Variants in NRXN3 observed in about 807,000 individuals in gnomAD.
The protein encoded by NRXN3 is neurexin III.
In NRXN3, 32 loss-of-function variants were observed where a neutral mutation model predicts 137.6. The ratio of observed to expected loss-of-function variants is 0.23; its 90% confidence interval spans 0.18 to 0.31. NRXN3 has a LOEUF of 0.31. NRXN3 is among the 10% of genes least tolerant of loss of function. The pLI is 1.00. For missense variants in NRXN3, 1,574 were observed against 2,062.5 expected (o/e 0.76, Z 4.59); for synonymous variants, 798 against 784.5 (o/e 1.02, Z -0.29).
intron 1 of NRXN3, among the ~76,000 whole-genome samples, chr14:78,196,207 G>A (rs1318112879): frequency 3.3e-5 from 5 of 152,196 alleles, no homozygotes; most frequent in Admixed American, 6.5e-5. Flanking sequence ...CATGTCTGGC[G>A]GTCATGAGGG....
At chr14:79,175,372 T>C (rs563714863) in intron 15 of NRXN3, among the ~76,000 whole-genome samples, 1 of 152,164 alleles carries the variant, frequency 6.6e-6, no homozygotes, top group South Asian at 2.1e-4. Context: ...GAACAGAAGA[T>C]TGAGAATTTT....
At chr14:79,438,949 A>T (rs186857100) in intron 15 of NRXN3, among the ~76,000 whole-genome samples, 1 of 152,386 alleles carries the variant, frequency 6.6e-6, no homozygotes, top group East Asian at 1.9e-4. Context: ...TGTTGCACAC[A>T]GTTTCTACCC....
intron 4 of NRXN3, among the ~76,000 whole-genome samples, chr14:78,303,871 C>T (rs936402217): frequency 2.0e-5 from 3 of 152,132 alleles, no homozygotes; most frequent in Admixed American, 6.5e-5. Flanking sequence ...ATCCACTCCC[C>T]AACACCTGTC....
intron 17 of NRXN3, among the ~76,000 whole-genome samples, chr14:79,689,548 T>A (rs1567898802): frequency 6.6e-6 from 1 of 152,116 alleles, no homozygotes; most frequent in Admixed American, 6.6e-5. Context: ...AAGATTGCTA[T>A]CCTTAGTGCC....
Position 78,484,117 on chromosome 14 carries a change from A to G in NRXN3, c.758-161003A>G, listed in dbSNP as rs1199724938. On this transcript the variant is annotated intron_variant, in intron 4 of 20. Transcript: ENST00000335750. ...ATTCAAGAGGCAGAATTATTAATAC[A>G]GGTAGACTGCCAGGAATGCAGAATG... is the stretch of plus-strand genomic sequence containing the variant. Among the ~76,000 whole-genome samples, 3 of 152,116 alleles carry G rather than the reference A, an allele frequency of 2.0e-5. No individual in the cohort carries two copies. The East Asian group carries it at 5.8e-4, about 29-fold the overall frequency.
chr14:79,806,703 G>T (rs2099206754), intron 20 of NRXN3, among the ~76,000 whole-genome samples: 4 of 149,254 alleles, frequency 2.7e-5, no homozygotes, highest in Non-Finnish European at 3.0e-5. Flanking sequence ...CTCTAGATTT[G>T]AGTCCTTCCT....
intron 16 of NRXN3, among the ~76,000 whole-genome samples, chr14:79,598,393 C>T (rs2097884563): frequency 6.6e-6 from 1 of 152,140 alleles, no homozygotes; most frequent in Non-Finnish European, 1.5e-5. Flanking sequence ...CAGAAGATAA[C>T]CTGTTTTGTG....
intron 4 of NRXN3, among the ~76,000 whole-genome samples, chr14:78,556,216 T>G (rs1335062801): frequency 6.6e-6 from 1 of 151,930 alleles, no homozygotes; most frequent in Non-Finnish European, 1.5e-5. Context: ...CCTACTCCAG[T>G]CTTCATGACA....
chr14:79,284,343 C>CATACATATATAT (rs1177586135), intron 15 of NRXN3, among the ~76,000 whole-genome samples: 10 of 65,098 alleles, frequency 1.5e-4, no homozygotes, highest in African/African-American at 5.2e-4. Context: ...ACTAAAAATA[C>CATACATATATAT]ATATATATAT....
chr14:78,232,536 A>T (rs2065577585), intron 1 of NRXN3, among the ~76,000 whole-genome samples: 1 of 152,120 alleles, frequency 6.6e-6, no homozygotes, highest in Non-Finnish European at 1.5e-5. Flanking sequence ...CGAAAGCTGG[A>T]TAAGATTGTC....
At chr14:78,935,786 A>G (rs2099336255) in intron 10 of NRXN3, among the ~76,000 whole-genome samples, 1 of 152,080 alleles carries the variant, frequency 6.6e-6, no homozygotes, top group African/African-American at 2.4e-5. Flanking sequence ...TCTTTGTTTC[A>G]TCTAAATTAA....
intron 15 of NRXN3, among the ~76,000 whole-genome samples, chr14:79,115,036 G>C (rs962942509): frequency 6.6e-6 from 1 of 151,902 alleles, no homozygotes; most frequent in African/African-American, 2.4e-5. Flanking sequence ...TTTAAGATGC[G>C]CAAACTAGGC....
chr14:78,285,583 C>T (rs1352307145), intron 3 of NRXN3, among the ~76,000 whole-genome samples: 2 of 152,170 alleles, frequency 1.3e-5, no homozygotes, highest in Non-Finnish European at 2.9e-5. Flanking sequence ...GTGTACACTT[C>T]ACAAAGGTAC....
intron 4 of NRXN3, among the ~76,000 whole-genome samples, chr14:78,319,252 T>G (rs1222664873): frequency 6.6e-6 from 1 of 152,216 alleles, no homozygotes; most frequent in African/African-American, 2.4e-5. Context: ...AACTCAAGCC[T>G]TCTCATCCCC....
intron 16 of NRXN3, among the ~76,000 whole-genome samples, chr14:79,493,494 G>T (rs1385241070): frequency 6.6e-6 from 1 of 152,222 alleles, no homozygotes; most frequent in Non-Finnish European, 1.5e-5. Context: ...TTGAACAAAT[G>T]AGGTATGCCT....
chr14:79,143,356 C>A (rs917635794), intron 15 of NRXN3, among the ~76,000 whole-genome samples: 1 of 152,212 alleles, frequency 6.6e-6, no homozygotes, highest in Non-Finnish European at 1.5e-5. Context: ...GTGCTGCAAA[C>A]ACTTCTAGCT....
chr14:79,734,717 A>C (rs1212875404), intron 19 of NRXN3, among the ~76,000 whole-genome samples: 1 of 152,150 alleles, frequency 6.6e-6, no homozygotes, highest in East Asian at 1.9e-4. Flanking sequence ...TAAAAAAAGA[A>C]AGCCTGAGGA....
At chr14:79,373,759 T>C (rs947071468) in intron 15 of NRXN3, among the ~76,000 whole-genome samples, 12 of 152,202 alleles carry the variant, frequency 7.9e-5, no homozygotes, top group Admixed American at 3.3e-4. Context: ...CGAAAAGCAG[T>C]ATTTATTCTC....
chr14:78,288,131 T>G (rs1011346317), intron 3 of NRXN3, among the ~76,000 whole-genome samples: 7 of 151,978 alleles, frequency 4.6e-5, no homozygotes, highest in African/African-American at 1.7e-4. Flanking sequence ...AGGCACCCAC[T>G]ACCACACCTG....
Sources: gnomAD v4.1 joint callset for allele counts (sites outside exome capture counted in the v4.1 genomes callset) on GRCh38, gnomAD v4.1.1 for gene constraint, MANE v1.5 for transcripts, NCBI Gene and HGNC (gene_info 2026-07-23, HGNC 2026-07-21) for gene names.